CEMIP2: variants seen among roughly 807,000 people sequenced by gnomAD.
CEMIP2 encodes the protein cell surface hyaluronidase CEMIP2.
In CEMIP2, 79 loss-of-function variants were observed where a neutral mutation model predicts 146.9. The ratio of observed to expected loss-of-function variants is 0.54; its 90% confidence interval spans 0.45 to 0.65. The LOEUF (loss-of-function observed/expected upper bound fraction) is 0.65. Among genes scored for constraint, CEMIP2 ranks in the 30% least tolerant of loss-of-function variants. CEMIP2 has a pLI of 0.00. For missense variants in CEMIP2, 1,596 were observed against 1,696.2 expected (o/e 0.94, Z 1.04); for synonymous variants, 601 against 606.3 (o/e 0.99, Z 0.13).
intron 22 of CEMIP2, 140 bp downstream of exon 22, chr9:71,689,952 G>A (rs1822176611): frequency 9.9e-7 from 1 of 1,009,952 alleles, no homozygotes; most frequent in Non-Finnish European, 1.4e-6. Flanking sequence ...GTCAATCTGA[G>A]GTAGGAGAGG....
chr9:71,764,656 G>A (rs756849646), intron 1 of CEMIP2, among the ~76,000 whole-genome samples: 2 of 152,016 alleles, frequency 1.3e-5, no homozygotes, highest in Non-Finnish European at 2.9e-5. Context: ...CCTGGCAAAA[G>A]GGCACAGTTC....
Position 71,764,917 on chromosome 9 carries a change from TCC to T in CEMIP2, c.-13+3438_-13+3439del, listed in dbSNP as rs1824743735. 2.7e-5 allele frequency among the ~76,000 whole-genome samples: 4 copies of T among 148,346 alleles called. No individual in the cohort carries two copies. The South Asian group carries it at 8.4e-4, about 31-fold the overall frequency. ...AAAAAGGCAGATGCATAGCTTTTCT[TCC>T]TTTTTTTTTTTTTCCTTTTCCATAT... On this transcript the variant is annotated intron_variant, in intron 1 of 23. Coordinates refer to ENST00000377044, the MANE Select transcript of CEMIP2 (RefSeq NM_013390.3).
rs773077686 is a variant in CEMIP2 at position 71,712,101 on chromosome 9, G to A, written c.2751C>T (p.Leu917=). ...TACTTACATGTGGACCAAACTTCAC[G>A]AGGGAGATATTATTCCTGGGGGTTA... ...WQITPRNNIS[L]VKFGPHVSLN... is the part of the protein sequence containing the mutation. Residue 917 remains leucine, a synonymous_variant, in exon 16 of 24, where the codon CTC becomes CTT. Transcript: ENST00000377044. 6.8e-6 allele frequency: 11 copies of A among 1,613,914 alleles called. No homozygotes were observed. Among genetic ancestry groups the A allele is most frequent in the East Asian group, 6.7e-5 (3 of 44,898 alleles).
At position 71,698,102 on chromosome 9, in the gene CEMIP2, T is replaced by C. The variant is rs779678864; in HGVS notation, c.3480A>G (p.Ser1160=). The change falls in exon 20 of 24, where the codon TCA becomes TCG. Residue 1160 remains serine (S), a synonymous_variant. Transcript: ENST00000377044. ...ERVKIQAATD[S]KDISNCMAKA... is the part of the protein sequence containing the mutation. ...TGGCCATGCAGTTACTGATGTCCTTTGAGTCTGTGGCTGCTTGGATCTTGA... is the reference window on the plus strand; with the variant it reads ...TGGCCATGCAGTTACTGATGTCCTTCGAGTCTGTGGCTGCTTGGATCTTGA... 4 of 1,614,162 alleles carry C rather than the reference T, an allele frequency of 2.5e-6. No homozygotes were observed. Among genetic ancestry groups the C allele is most frequent in the Non-Finnish European group, 3.4e-6 (4 of 1,180,022 alleles).
intron 18 of CEMIP2, 59 bp from the exon 19 acceptor site, chr9:71,700,883 T>C: frequency 1.4e-6 from 2 of 1,461,358 alleles, no homozygotes; most frequent in Non-Finnish European, 1.8e-6. Context: ...TGTTAAGTAC[T>C]ATAGCGTATG....
intron 6 of CEMIP2, among the ~76,000 whole-genome samples, chr9:71,734,048 G>A (rs377679049): frequency 4.6e-5 from 7 of 151,982 alleles, no homozygotes; most frequent in South Asian, 2.1e-4. Context: ...GGGTTTCACC[G>A]TATGGGCCGG....
intron 18 of CEMIP2, among the ~76,000 whole-genome samples, chr9:71,703,441 C>T (rs148005904): frequency 0.011 from 1,619 of 152,254 alleles, 32 homozygotes; most frequent in African/African-American, 0.036. Context: ...GCATCTGCCA[C>T]GATGTTCATC....
intron 22 of CEMIP2, chr9:71,686,463 G>GTAA (rs895225478): frequency 6.5e-6 from 1 of 152,680 alleles, no homozygotes; most frequent in Non-Finnish European, 1.5e-5. Context: ...ATATTGCAAT[G>GTAA]TAATAATAAT....
chr9:71,741,631 G>GTTTTTTTTTTTTTTTT (rs11334265), intron 4 of CEMIP2, among the ~76,000 whole-genome samples: 4 of 73,124 alleles, frequency 5.5e-5, no homozygotes, highest in South Asian at 5.4e-4. Context: ...TTCTTTTCTG[G>GTTTTTTTTTTTTTTTT]TTTTTTTTTT....
intron 11 of CEMIP2, among the ~76,000 whole-genome samples, chr9:71,723,386 A>C (rs1482438097): frequency 6.6e-6 from 1 of 152,132 alleles, no homozygotes. Flanking sequence ...AATAAGGTAG[A>C]AGATGATTTC....
chr9:71,760,530 T>C (rs1036455463), intron 1 of CEMIP2, among the ~76,000 whole-genome samples: 5 of 151,314 alleles, frequency 3.3e-5, no homozygotes, highest in Non-Finnish European at 5.9e-5. Flanking sequence ...TAATTAATCC[T>C]ATCTTTTTCC....
At chr9:71,752,356 G>A (rs1312365132) in intron 1 of CEMIP2, among the ~76,000 whole-genome samples, 4 of 149,906 alleles carry the variant, frequency 2.7e-5, no homozygotes, top group African/African-American at 9.9e-5. Context: ...ACAAAAACAA[G>A]GAAGTCCTTT....
intron 5 of CEMIP2, among the ~76,000 whole-genome samples, chr9:71,736,696 C>T (rs1002769221): frequency 2.0e-5 from 3 of 152,188 alleles, no homozygotes; most frequent in Admixed American, 6.5e-5. Context: ...TGCTTCTTAA[C>T]ATTCATGATA....
intron 2 of CEMIP2, among the ~76,000 whole-genome samples, chr9:71,749,196 G>A (rs1824175296): frequency 6.6e-6 from 1 of 152,042 alleles, no homozygotes; most frequent in African/African-American, 2.4e-5. Flanking sequence ...TAACTATGAA[G>A]TAATGACTGA....
chr9:71,728,285 A>ATATATACACG (rs1823491468), intron 10 of CEMIP2, among the ~76,000 whole-genome samples: 1 of 27,310 alleles, frequency 3.7e-5, no homozygotes, highest in African/African-American at 1.1e-4. Context: ...ATATATGTAT[A>ATATATACACG]TATATATATA....
chr9:71,759,278 C>T (rs2310024), intron 1 of CEMIP2, among the ~76,000 whole-genome samples: 111,042 of 152,004 alleles, frequency 0.73, 41,929 homozygotes, highest in Non-Finnish European at 0.83. Flanking sequence ...ATTCACACCA[C>T]GTATCACTCA....
At chr9:71,694,356 C>T (rs1222464098) in intron 21 of CEMIP2, among the ~76,000 whole-genome samples, 153 bp downstream of exon 21, 5 of 152,086 alleles carry the variant, frequency 3.3e-5, no homozygotes, top group African/African-American at 1.2e-4. Context: ...TCGATCTAAC[C>T]TTATGATCTG....
rs1048435630 is a variant in CEMIP2, at chr9:71,768,417, G to C, written c.-73C>G. ...TGCCTACACAGCGGTCCAGGGAGAC[G>C]GAGAGGAGTCCCTGGCGTCCTCGGG... On this transcript the variant is annotated 5_prime_UTR_variant, in exon 1 of 24. Transcript: ENST00000377044. The C allele has an allele frequency of 6.6e-6, 1 of 152,180 alleles. No homozygotes were observed. The highest frequency in any genetic ancestry group is 2.4e-5 in the African/African-American group (1 of 41,444). 9.4% of individuals were successfully genotyped at this position (152,180 alleles called of 1,614,324 possible). A position where few individuals can be genotyped will look rare whatever the true frequency, so the allele number is the denominator to read the frequency against.
In CEMIP2 at chr9:71,698,069, G is replaced by T; in HGVS notation, c.3513C>A (p.Tyr1171Ter). 1.2e-6 allele frequency: 2 copies of T among 1,614,160 alleles called. No homozygotes were observed. The highest frequency in any genetic ancestry group is 2.2e-5 in the East Asian group (1 of 44,880). The change falls in exon 20 of 24, where the codon TAC becomes TAA. Residue 1171 changes from tyrosine (Y) to a stop codon, truncating the protein, a stop_gained. Transcript: ENST00000377044. LOFTEE classifies it high-confidence loss of function. ...KDISNCMAKA[Y>*]PQYYRKPSVV... The stretch of plus-strand genomic sequence containing the variant: ...CTGACGGCTTTCTGTAGTACTGTGG[G>T]TATGCTTTGGCCATGCAGTTACTGA...
Sources: gnomAD v4.1 joint callset for allele counts (sites outside exome capture counted in the v4.1 genomes callset) on GRCh38, gnomAD v4.1.1 for gene constraint, MANE v1.5 for transcripts, NCBI Gene and HGNC (gene_info 2026-07-23, HGNC 2026-07-21) for gene names.